EIF4G2: variants seen among roughly 807,000 people sequenced by gnomAD.
The protein encoded by EIF4G2 is DAP-5.
Under a neutral mutation model 117.7 loss-of-function variants are expected in EIF4G2, and 8 were observed. That is an observed-to-expected ratio of 0.07 (90% confidence interval 0.04 to 0.12). The LOEUF is 0.12. Ranked by LOEUF, EIF4G2 falls within the 10% of genes least tolerant of loss-of-function variation. The probability of loss-of-function intolerance (pLI) is 1.00; values close to 1 mark genes in which losing one functional copy is unlikely to be tolerated. For missense variants in EIF4G2, 812 were observed against 1,086.2 expected, an observed-to-expected ratio of 0.75 and a Z score of 3.55; for synonymous variants, 413 against 367.8, an observed-to-expected ratio of 1.12 and a Z score of -1.41.
intron 1 of EIF4G2, 181 bp from the exon 2 acceptor site, chr11:10,807,562 G>A: frequency 3.2e-6 from 4 of 1,263,294 alleles, no homozygotes; most frequent in Non-Finnish European, 3.0e-6. Context: ...GAAATTCCCC[G>A]GTGTTCAAGG....
chr11:10,807,797 T>G (rs1338491115), intron 1 of EIF4G2: 13 of 990,752 alleles, frequency 1.3e-5, no homozygotes, highest in Non-Finnish European at 1.6e-5. Flanking sequence ...TTCAGCAGTT[T>G]TCCCCTGTCC....
chr11:10,808,537 CA>C, intron 1 of EIF4G2, 167 bp downstream of exon 1: 6 of 1,175,654 alleles, frequency 5.1e-6, no homozygotes, highest in Non-Finnish European at 6.5e-6. Flanking sequence ...GAAGAGAGAA[CA>C]AAAGCCAAGA....
At chr11:10,801,836 AGT>A (rs1847426958) in intron 13 of EIF4G2, 62 bp from the exon 14 acceptor site, 1 of 1,499,752 alleles carries the variant, frequency 6.7e-7, no homozygotes, top group African/African-American at 1.4e-5. Flanking sequence ...ATGGTAATCA[AGT>A]ACCAAAGGGA....
chr11:10,803,142 A>G lies in EIF4G2; in HGVS notation c.898-14T>C. On this transcript the variant is annotated splice_polypyrimidine_tract_variant and intron_variant, in intron 10 of 21. Coordinates refer to ENST00000339995, the MANE Select transcript of EIF4G2 (RefSeq NM_001418.4). The surrounding 1 kb of genome is among the most constrained non-coding windows in gnomAD (Gnocchi z 4.0). The stretch of plus-strand genomic sequence containing the variant: ...CTCTACGGTATCCTTTAATTGAAAA[A>G]TAATTTTATTTTAATATTCCTAAAC... 2 of 1,603,206 alleles carry G rather than the reference A, an allele frequency of 1.2e-6. No individual in the cohort carries two copies. Among genetic ancestry groups the G allele is most frequent in the Non-Finnish European group, 1.7e-6 (2 of 1,176,124 alleles).
intron 3 of EIF4G2, 125 bp from the exon 4 acceptor site, chr11:10,806,172 G>A: frequency 7.8e-7 from 1 of 1,280,084 alleles, no homozygotes; most frequent in South Asian, 1.4e-5. Flanking sequence ...AGCCAACTCT[G>A]GAAATTAGTG....
At chr11:10,801,409 G>A (rs1266666141) in intron 14 of EIF4G2, 4 of 650,328 alleles carry the variant, frequency 6.2e-6, no homozygotes, top group African/African-American at 1.8e-5. Context: ...CCCTTACAAA[G>A]AAAGAAACCA....
chr11:10,800,572 G>C lies in EIF4G2; in HGVS notation c.1720C>G (p.Pro574Ala). The C allele has an allele frequency of 6.2e-7, 1 of 1,614,090 alleles. No individual in the cohort carries two copies. Among genetic ancestry groups the C allele is most frequent in the Non-Finnish European group, 8.5e-7 (1 of 1,180,014 alleles). ...AACATCTCAGGAAGAAAGTGTTTAG[G>C]AGCCCTCATTTCTCTTACACCATTG... The change falls in exon 17 of 22, where the codon CCT becomes GCT. Residue 574 changes from proline to alanine, a missense_variant. Pro to Ala is a conservative substitution (Grantham distance 27). Coordinates refer to ENST00000339995, the MANE Select transcript of EIF4G2 (RefSeq NM_001418.4).
chr11:10,804,193 C>T lies in EIF4G2; in HGVS notation c.494G>A (p.Arg165His). Reference sequence around the variant, plus strand: ...ATCTTGTAATTTGGAAATTAGGAGGCGTCTGAATGTCTGGAAAAGAAGACA... The same window carrying T: ...ATCTTGTAATTTGGAAATTAGGAGGTGTCTGAATGTCTGGAAAAGAAGACA... The change falls in exon 7 of 22, where the codon CGC (arginine) becomes CAC (histidine). Residue 165 changes from arginine to histidine, a missense_variant. Arg to His is a conservative substitution (Grantham distance 29, BLOSUM62 0). This residue lies in a region of EIF4G2 where 154 missense variants were observed against 322.1 expected (regional missense o/e 0.48). Coordinates refer to ENST00000339995, the MANE Select transcript of EIF4G2 (RefSeq NM_001418.4). The T allele has an allele frequency of 6.2e-7, 1 of 1,614,130 alleles. No homozygotes were observed. Among genetic ancestry groups the T allele is most frequent in the East Asian group, 2.2e-5 (1 of 44,886 alleles).
chr11:10,803,385 T>C lies in EIF4G2; in HGVS notation c.814-91A>G, dbSNP rs1436545928. On this transcript the variant is annotated intron_variant, in intron 9 of 21. Transcript: ENST00000339995. The surrounding 1 kb of genome is among the most constrained non-coding windows in gnomAD (Gnocchi z 4.0). ...ACTTCTAAAATTATAACCCAGTTAA[T>C]GGCTAAATATGGCAATCCCTTATGA... 4.5e-6 allele frequency: 7 copies of C among 1,549,274 alleles called. No individual in the cohort carries two copies. In the Admixed American group the frequency reaches 1.0e-4, roughly 23 times the overall value.
chr11:10,806,669 G>A (rs1847580313), intron 3 of EIF4G2, 151 bp downstream of exon 3: 1 of 752,202 alleles, frequency 1.3e-6, no homozygotes, highest in Non-Finnish European at 2.1e-6. Flanking sequence ...GAATAATCAG[G>A]AACTGATATT....
At chr11:10,801,133 G>C (rs1218949097) in intron 14 of EIF4G2, 46 bp from the exon 15 acceptor site, 2 of 1,609,314 alleles carry the variant, frequency 1.2e-6, no homozygotes, top group Admixed American at 3.4e-5. Flanking sequence ...CATGCAGTTG[G>C]CGAACATATT....
rs1847411694 is a variant in EIF4G2, at chr11:10,801,377, T to C, written c.1413+284A>G. 1.9e-5 allele frequency: 12 copies of C among 616,418 alleles called. No homozygotes were observed. The South Asian group carries it at 2.1e-4, about 11-fold the overall frequency. The allele number at this position is 616,418 out of a possible 1,614,324, so 38.2% of individuals were successfully genotyped here. The stretch of plus-strand genomic sequence containing the variant: ...TTTAACTACAGTTTAGAAAATGCCC[T>C]GTTTTATCCTTAGTTAAATCACCCT... On this transcript the variant is annotated intron_variant, in intron 14 of 21. Transcript: ENST00000339995.
intron 3 of EIF4G2, 84 bp downstream of exon 3, chr11:10,806,736 C>T: frequency 6.9e-7 from 1 of 1,446,030 alleles, no homozygotes; most frequent in Non-Finnish European, 9.7e-7. Flanking sequence ...GTCTTGATGG[C>T]TATTGCCTTA....
In EIF4G2 at chr11:10,800,971, AGGT is replaced by A. The variant is rs1466652130; in HGVS notation, c.1527_1529del (p.Pro510del). The A allele has an allele frequency of 6.2e-7, 1 of 1,614,184 alleles. No individual in the cohort carries two copies. Among genetic ancestry groups the A allele is most frequent in the South Asian group, 1.1e-5 (1 of 91,080 alleles). ...CTACTATGGTCTGTACCTGTCCCAG[AGGT>A]GGTGTTTGAGTGCGTGGTGGTTGTG... On this transcript the variant is annotated inframe_deletion, in exon 15 of 22. Coordinates refer to ENST00000339995, the MANE Select transcript of EIF4G2 (RefSeq NM_001418.4).
At position 10,808,351 on chromosome 11, in the gene EIF4G2, C is replaced by T. The variant is rs1056897571; in HGVS notation, c.-87+354G>A. The T allele has an allele frequency of 6.6e-6, 8 of 1,204,492 alleles. No individual in the cohort carries two copies. In the African/African-American group the frequency reaches 1.2e-4, roughly 17 times the overall value. The allele number at this position is 1,204,492 out of a possible 1,614,324, so 74.6% of individuals were successfully genotyped here. ...GCGCCAACGGCCTGGCCTTCCCTGC[C>T]GGCCCGCGTGCCTCCCGCCACGGCG... On this transcript the variant is annotated intron_variant, in intron 1 of 21. Coordinates refer to ENST00000339995, the MANE Select transcript of EIF4G2 (RefSeq NM_001418.4).
At chr11:10,802,871 A>C (rs539343205) in intron 11 of EIF4G2, among the ~76,000 whole-genome samples, 159 bp downstream of exon 11, 5 of 152,184 alleles carry the variant, frequency 3.3e-5, no homozygotes, top group South Asian at 2.1e-4. Flanking sequence ...CGTCTCAAAA[A>C]ATAAAAAAAT....
At chr11:10,804,627 G>C (rs1170433798) in intron 5 of EIF4G2, 2 of 653,190 alleles carry the variant, frequency 3.1e-6, no homozygotes, top group African/African-American at 1.8e-5. Flanking sequence ...GTCATACAAT[G>C]CATTTCCAAG....
intron 2 of EIF4G2, 70 bp from the exon 3 acceptor site, chr11:10,806,955 TTG>T (rs1275779578): frequency 6.4e-7 from 1 of 1,572,714 alleles, no homozygotes; most frequent in Non-Finnish European, 8.7e-7. Context: ...AGCATCTATT[TTG>T]TGTTTTGCTT....
chr11:10,808,104 G>A (rs970654889), intron 1 of EIF4G2: 21 of 1,050,822 alleles, frequency 2.0e-5, no homozygotes, highest in Middle Eastern at 4.5e-4. Flanking sequence ...GCAGGAAGGC[G>A]GCCTCCTGCC....
Sources: allele counts gnomAD v4.1 joint callset (sites outside exome capture counted in the v4.1 genomes callset), GRCh38; gene constraint gnomAD v4.1.1; regional missense constraint gnomAD v4.1.1; non-coding constraint Gnocchi (gnomAD v3.1); transcripts MANE v1.5; gene names NCBI Gene and HGNC (gene_info 2026-07-23, HGNC 2026-07-21).